The following GGNBP2 variants were observed in gnomAD, a reference collection of about 807,000 sequenced individuals.
GGNBP2 encodes the protein gametogenetin-binding protein 2.
In GGNBP2, 10 loss-of-function variants were observed where a neutral mutation model predicts 85.9. The observed-to-expected ratio is 0.12, with a 90% CI of 0.07 to 0.20. GGNBP2 has a LOEUF of 0.20. GGNBP2 is among the 10% of genes least tolerant of loss of function. GGNBP2 has a pLI of 1.00. For missense variants in GGNBP2, 595 were observed against 857.8 expected (o/e 0.69, Z 3.83); for synonymous variants, 287 against 285.7 (o/e 1.00, Z -0.05).
chr17:36,551,139 T>C (rs866628644), intron 2 of GGNBP2, among the ~76,000 whole-genome samples: 67 of 152,138 alleles, frequency 4.4e-4, no homozygotes, highest in African/African-American at 1.5e-3. Flanking sequence ...GTATTTTTGC[T>C]ACTAATTAGG....
chr17:36,575,241 C>T (rs1231535830), intron 6 of GGNBP2: 3 of 631,988 alleles, frequency 4.7e-6, no homozygotes, highest in Non-Finnish European at 8.7e-6. Flanking sequence ...CCCCGGATGC[C>T]ACTGCCGAAA....
chr17:36,562,435 C>T (rs2074426529), intron 5 of GGNBP2, among the ~76,000 whole-genome samples: 1 of 151,864 alleles, frequency 6.6e-6, no homozygotes, highest in Non-Finnish European at 1.5e-5. Context: ...TCCCAAAGTG[C>T]TGGGATTACA....
intron 1 of GGNBP2, chr17:36,545,355 G>C (rs1321843604): frequency 4.4e-6 from 1 of 227,002 alleles, no homozygotes. Flanking sequence ...GGAAGCCCCC[G>C]GCAGGCCGGT....
chr17:36,574,121 T>C lies in GGNBP2; in HGVS notation c.642-3862T>C, dbSNP rs61701095. The stretch of plus-strand genomic sequence containing the variant: ...TGCCAACGTTTTTAAGTTTAATGCA[T>C]AGTCATGTGCTATGTGATGACATTT... On this transcript the variant is annotated intron_variant, in intron 6 of 13. Coordinates refer to ENST00000613102, the MANE Select transcript of GGNBP2 (RefSeq NM_024835.5). 4.4e-3 allele frequency among the ~76,000 whole-genome samples: 671 copies of C among 152,306 alleles called. 8 individuals carry two copies. The highest frequency in any genetic ancestry group is 0.016 in the African/African-American group (658 of 41,572).
chr17:36,589,474 G>T lies in GGNBP2; in HGVS notation c.*63G>T, dbSNP rs924689742. The T allele has an allele frequency of 1.5e-6, 2 of 1,301,900 alleles. No homozygotes were observed. The highest frequency in any genetic ancestry group is 1.5e-5 in the African/African-American group (1 of 67,682). The allele number at this position is 1,301,900 out of a possible 1,614,324, so 80.6% of individuals were successfully genotyped here. A position where few individuals can be genotyped will look rare whatever the true frequency, so the allele number is the denominator to read the frequency against. ...CGATGACTACTGCGCCTTCTCTTTC[G>T]AAAAACTCTTAATTTAGTGACTTAT... On this transcript the variant is annotated 3_prime_UTR_variant, in exon 14 of 14. Transcript: ENST00000613102.
At chr17:36,545,540 C>G in intron 1 of GGNBP2, 79 bp from the exon 2 acceptor site, 1 of 564,998 alleles carries the variant, frequency 1.8e-6, no homozygotes, top group Non-Finnish European at 3.2e-6. Flanking sequence ...CCGTACCCTC[C>G]CGCTCCGCTC....
At chr17:36,545,912 G>GT in intron 2 of GGNBP2, 95 bp downstream of exon 2, 1 of 870,050 alleles carries the variant, frequency 1.1e-6, no homozygotes, top group Non-Finnish European at 1.8e-6. Flanking sequence ...ACTGGAGAAA[G>GT]AGTGTGTTGC....
At chr17:36,568,040 C>A (rs2074485687) in intron 6 of GGNBP2, among the ~76,000 whole-genome samples, 1 of 152,090 alleles carries the variant, frequency 6.6e-6, no homozygotes, top group South Asian at 2.1e-4. Flanking sequence ...ATTCTCCTGC[C>A]TCAGCGTCTC....
chr17:36,580,871 A>G (rs1373637037), intron 8 of GGNBP2, among the ~76,000 whole-genome samples: 1 of 151,740 alleles, frequency 6.6e-6, no homozygotes, highest in Non-Finnish European at 1.5e-5. Flanking sequence ...GTGAACTGAG[A>G]TGGTGCCACT....
At chr17:36,547,530 C>T (rs1377093631) in intron 2 of GGNBP2, 1 of 152,230 alleles carries the variant, frequency 6.6e-6, no homozygotes, top group Non-Finnish European at 1.5e-5. Flanking sequence ...ATTAATACAT[C>T]TGTCATATAG....
At chr17:36,550,087 G>A (rs962632262) in intron 2 of GGNBP2, among the ~76,000 whole-genome samples, 5 of 151,948 alleles carry the variant, frequency 3.3e-5, no homozygotes, top group African/African-American at 9.7e-5. Context: ...ACAGGCGCCC[G>A]CCACCATGCC....
At chr17:36,579,573 TG>T (rs1374030363) in intron 8 of GGNBP2, among the ~76,000 whole-genome samples, 154 bp downstream of exon 8, 3 of 152,172 alleles carry the variant, frequency 2.0e-5, no homozygotes, top group East Asian at 3.9e-4. Context: ...TGGGTTGGAG[TG>T]GGGGTGGTCT....
chr17:36,548,615 C>CAAAAAAAAAAAAAAAAA lies in GGNBP2; in HGVS notation c.93+2819_93+2835dup, dbSNP rs71159614. On this transcript the variant is annotated intron_variant, in intron 2 of 13. Coordinates refer to ENST00000613102, the MANE Select transcript of GGNBP2 (RefSeq NM_024835.5). Reference sequence around the variant, plus strand: ...GGGCAACAAGAGCAAGACTCTGTCTCAAAAAAAAAAAAAAAAAAAAAAAAA... The same window carrying CAAAAAAAAAAAAAAAAA: ...GGGCAACAAGAGCAAGACTCTGTCTCAAAAAAAAAAAAAAAAAAAAAAAAAAAAAAAAAAAAAAAAAA... Among the ~76,000 whole-genome samples, 6 of 23,736 alleles carry CAAAAAAAAAAAAAAAAA rather than the reference C, an allele frequency of 2.5e-4. 1 individual carries two copies. Among genetic ancestry groups the CAAAAAAAAAAAAAAAAA allele is most frequent in the Non-Finnish European group, 5.0e-4 (6 of 11,926 alleles). The allele number at this position is 23,736 out of a possible 152,430, so 15.6% of individuals were successfully genotyped here.
chr17:36,558,024 A>G (rs543484246), intron 4 of GGNBP2, among the ~76,000 whole-genome samples: 1 of 152,204 alleles, frequency 6.6e-6, no homozygotes, highest in African/African-American at 2.4e-5. Flanking sequence ...AGGCAGGAGA[A>G]TCACTTGAAC....
chr17:36,557,566 G>T (rs1726373361), intron 4 of GGNBP2, among the ~76,000 whole-genome samples: 1 of 152,126 alleles, frequency 6.6e-6, no homozygotes, highest in Non-Finnish European at 1.5e-5. Context: ...AGTAAGGGAG[G>T]TAGAGAATGG....
At chr17:36,553,796 T>C (rs1029734781) in intron 2 of GGNBP2, among the ~76,000 whole-genome samples, 25 of 152,332 alleles carry the variant, frequency 1.6e-4, no homozygotes, top group Admixed American at 1.6e-3. Flanking sequence ...CTGCTTGAAT[T>C]TGATGACATC....
chr17:36,556,243 C>T (rs1185886877), intron 3 of GGNBP2, among the ~76,000 whole-genome samples: 2 of 152,184 alleles, frequency 1.3e-5, no homozygotes, highest in South Asian at 4.1e-4. Context: ...CTAGTTACTT[C>T]CCTACATAAG....
chr17:36,545,381 T>A (rs947030351), intron 1 of GGNBP2: 2 of 262,086 alleles, frequency 7.6e-6, no homozygotes, highest in Non-Finnish European at 1.4e-5. Context: ...CCGCCTCTCC[T>A]TTGGACCCTG....
chr17:36,575,107 C>A, intron 6 of GGNBP2: 1 of 785,534 alleles, frequency 1.3e-6, no homozygotes, highest in Non-Finnish European at 2.2e-6. Flanking sequence ...ACATCTCCTC[C>A]AGGGACTTGA....
Sources: allele counts gnomAD v4.1 joint callset (sites outside exome capture counted in the v4.1 genomes callset), GRCh38; gene constraint gnomAD v4.1.1; transcripts MANE v1.5; gene names NCBI Gene and HGNC (gene_info 2026-07-23, HGNC 2026-07-21).